The following LRRC39 variants were observed in gnomAD, a reference collection of about 807,000 sequenced individuals.
The protein encoded by LRRC39 is leucine-rich repeat-containing protein 39.
LRRC39 carries 35 observed loss-of-function variants against 39.7 expected under a neutral mutation model. The observed-to-expected ratio is 0.88, with a 90% CI of 0.67 to 1.17. LRRC39 has a LOEUF of 1.17. LRRC39 is among the 50% of genes most tolerant of loss of function. The probability of loss-of-function intolerance (pLI) is 0.00; values close to 1 mark genes in which losing one functional copy is unlikely to be tolerated. For missense variants in LRRC39, 357 were observed against 385.8 expected, an observed-to-expected ratio of 0.93 and a Z score of 0.62; for synonymous variants, 113 against 134.1, an observed-to-expected ratio of 0.84 and a Z score of 1.09.
intron 1 of LRRC39, among the ~76,000 whole-genome samples, chr1:100,175,750 G>A (rs1659913296): frequency 6.6e-6 from 1 of 151,958 alleles, no homozygotes; most frequent in African/African-American, 2.4e-5. Flanking sequence ...CCAAATGGTA[G>A]AACTTTCCCT....
At chr1:100,152,353 C>T (rs750679016) in intron 9 of LRRC39, 32 bp downstream of exon 9, 4 of 1,596,150 alleles carry the variant, frequency 2.5e-6, no homozygotes, top group Non-Finnish European at 3.4e-6. Flanking sequence ...TACCAAAAAA[C>T]ATTTAATCTG....
chr1:100,173,719 C>T (rs1306033055), intron 1 of LRRC39, among the ~76,000 whole-genome samples: 1 of 151,962 alleles, frequency 6.6e-6, no homozygotes, highest in Admixed American at 6.5e-5. Flanking sequence ...CTAGAAAATC[C>T]AGGAGAATTT....
At chr1:100,164,905 A>T (rs1436129798) in intron 3 of LRRC39, among the ~76,000 whole-genome samples, 1 of 151,840 alleles carries the variant, frequency 6.6e-6, no homozygotes, top group South Asian at 2.1e-4. Flanking sequence ...GGGTCTCGCT[A>T]TGTTGCCCAG....
chr1:100,161,118 A>G (rs766446602), intron 3 of LRRC39, among the ~76,000 whole-genome samples: 1 of 152,188 alleles, frequency 6.6e-6, no homozygotes, highest in Non-Finnish European at 1.5e-5. Flanking sequence ...TACACATACT[A>G]TAAAAATTAC....
At chr1:100,151,693 C>G (rs781282053) in intron 9 of LRRC39, among the ~76,000 whole-genome samples, 12 of 152,164 alleles carry the variant, frequency 7.9e-5, no homozygotes, top group Non-Finnish European at 1.3e-4. Context: ...TTCCCCTGAT[C>G]TTGGTTTAGC....
At chr1:100,162,638 C>T (rs1351553394) in intron 3 of LRRC39, among the ~76,000 whole-genome samples, 1 of 147,838 alleles carries the variant, frequency 6.8e-6, no homozygotes, top group Non-Finnish European at 1.5e-5. Context: ...ACTCGGTCTC[C>T]AGAAAAAAAA....
rs540305163 is a variant in LRRC39 at position 100,178,186 on chromosome 1, A to G, written c.-170T>C. On this transcript the variant is annotated 5_prime_UTR_variant, in exon 1 of 10. Transcript: ENST00000370137. ...CAGTTAAGAGTAGATTGCAGGGGGAAATTTTTTTTTCAGTGTGGCTCCAAA... is the reference window on the plus strand; with the variant it reads ...CAGTTAAGAGTAGATTGCAGGGGGAGATTTTTTTTTCAGTGTGGCTCCAAA... The G allele has an allele frequency of 6.6e-6, 1 of 152,190 alleles. No individual in the cohort carries two copies. The highest frequency in any genetic ancestry group is 2.4e-5 in the African/African-American group (1 of 41,454). The allele number at this position is 152,190 out of a possible 1,614,324, so 9.4% of individuals were successfully genotyped here.
chr1:100,161,884 C>A (rs1658902411), intron 3 of LRRC39, among the ~76,000 whole-genome samples: 1 of 152,220 alleles, frequency 6.6e-6, no homozygotes, highest in East Asian at 1.9e-4. Flanking sequence ...TAAACTCAAG[C>A]AACCCGCCTG....
intron 2 of LRRC39, among the ~76,000 whole-genome samples, chr1:100,172,959 C>CA (rs35628050): frequency 0.25 from 26,960 of 106,504 alleles, 3,616 homozygotes; most frequent in African/African-American, 0.43. Flanking sequence ...GACTCTGTCT[C>CA]AAAAAAAAAA....
chr1:100,158,682 T>C (rs909288295), intron 5 of LRRC39, among the ~76,000 whole-genome samples: 1 of 151,968 alleles, frequency 6.6e-6, no homozygotes, highest in Non-Finnish European at 1.5e-5. Flanking sequence ...GTGATCCGCC[T>C]GCCTCGGCCT....
intron 9 of LRRC39, 36 bp from the exon 10 acceptor site, chr1:100,149,133 G>T: frequency 1.3e-6 from 2 of 1,568,526 alleles, no homozygotes; most frequent in Non-Finnish European, 1.7e-6. Flanking sequence ...CATAATTAGC[G>T]TATTTCTGTT....
intron 3 of LRRC39, 48 bp from the exon 4 acceptor site, chr1:100,160,619 G>A (rs1190455083): frequency 6.9e-7 from 1 of 1,451,462 alleles, no homozygotes; most frequent in South Asian, 1.3e-5. Context: ...TACATAAGTG[G>A]CATTCACTTT....
chr1:100,148,520 C>A lies in LRRC39; in HGVS notation c.*522G>T. 8.8e-7 allele frequency: 1 copy of A among 1,141,108 alleles called. No homozygotes were observed. The highest frequency in any genetic ancestry group is 1.3e-6 in the Non-Finnish European group (1 of 792,768). The allele number at this position is 1,141,108 out of a possible 1,614,324, so 70.7% of individuals were successfully genotyped here. A position where few individuals can be genotyped will look rare whatever the true frequency, so the allele number is the denominator to read the frequency against. ...GAAGCATGGGACAAAGTACTTAGTA[C>A]ATTATGGGTTAGTTAACAGTCTCTC... On this transcript the variant is annotated 3_prime_UTR_variant, in exon 10 of 10. Transcript: ENST00000370137.
intron 2 of LRRC39, among the ~76,000 whole-genome samples, chr1:100,172,265 T>C (rs1659666380): frequency 6.6e-6 from 1 of 152,186 alleles, no homozygotes. Context: ...GATTAGCATA[T>C]GCTTGATACC....
intron 3 of LRRC39, among the ~76,000 whole-genome samples, chr1:100,165,065 A>G (rs1340119300): frequency 6.6e-6 from 1 of 152,194 alleles, no homozygotes; most frequent in African/African-American, 2.4e-5. Context: ...TATATAATTT[A>G]CTTTTAAAGT....
rs1374570524 is a variant in LRRC39, at chr1:100,158,129, A to G, written c.513+102T>C. ...TCTCTAAATATTTTTTCTGAAATAC[A>G]TAGAATTTTCTCATTAGTTTTATTA... On this transcript the variant is annotated intron_variant, in intron 6 of 9. Coordinates refer to ENST00000370137, the MANE Select transcript of LRRC39 (RefSeq NM_144620.4). 12 of 1,277,504 alleles carry G rather than the reference A, an allele frequency of 9.4e-6. No homozygotes were observed. In the Admixed American group the frequency reaches 1.6e-4, roughly 17 times the overall value. The allele number at this position is 1,277,504 out of a possible 1,614,324, so 79.1% of individuals were successfully genotyped here.
At chr1:100,158,517 A>G in intron 5 of LRRC39, 150 bp from the exon 6 acceptor site, 1 of 571,804 alleles carries the variant, frequency 1.7e-6, no homozygotes, top group Non-Finnish European at 2.8e-6. Context: ...GGCTCACTGC[A>G]AGCTCCGCCT....
chr1:100,168,262 G>C, intron 3 of LRRC39, 142 bp downstream of exon 3: 1 of 673,634 alleles, frequency 1.5e-6, no homozygotes, highest in South Asian at 2.1e-5. Context: ...TGAGTCAGCT[G>C]TTTTCTTTAA....
At chr1:100,163,811 G>A (rs752553160) in intron 3 of LRRC39, among the ~76,000 whole-genome samples, 23 of 152,048 alleles carry the variant, frequency 1.5e-4, no homozygotes, top group Non-Finnish European at 2.1e-4. Flanking sequence ...GGTGGCTCAC[G>A]CTTGTAATCC....
Sources: gnomAD v4.1 joint callset for allele counts (sites outside exome capture counted in the v4.1 genomes callset) on GRCh38, gnomAD v4.1.1 for gene constraint, MANE v1.5 for transcripts, NCBI Gene and HGNC (gene_info 2026-07-23, HGNC 2026-07-21) for gene names.